The following VEPH1 variants were observed in gnomAD, a reference collection of about 807,000 sequenced individuals.
VEPH1 encodes the protein ventricular zone expressed PH domain containing 1.
Under a neutral mutation model 85.2 loss-of-function variants are expected in VEPH1, and 80 were observed. That is an observed-to-expected ratio of 0.94 (90% CI 0.78 to 1.13). The LOEUF is 1.13. Ranked by LOEUF, VEPH1 falls within the 50% of genes most tolerant of loss-of-function variation. The pLI, the probability that VEPH1 is intolerant of heterozygous loss-of-function variation, is 0.00. For synonymous variants in VEPH1, 297 were observed against 348.0 expected (o/e 0.85, Z 1.63); for missense variants, 955 against 980.5 (o/e 0.97, Z 0.35).
intron 7 of VEPH1, among the ~76,000 whole-genome samples, chr3:157,372,567 T>C (rs577839176): frequency 6.6e-6 from 1 of 152,362 alleles, no homozygotes; most frequent in Admixed American, 6.5e-5. Flanking sequence ...TCACCTTTCA[T>C]TTATTAAATC....
chr3:157,401,667 T>G (rs1172405745), intron 6 of VEPH1, among the ~76,000 whole-genome samples: 1 of 152,148 alleles, frequency 6.6e-6, no homozygotes, highest in African/African-American at 2.4e-5. Flanking sequence ...TAGTAATAAT[T>G]TCTCTGGTAC....
At chr3:157,471,280 A>C (rs964068394) in intron 2 of VEPH1, among the ~76,000 whole-genome samples, 4 of 152,202 alleles carry the variant, frequency 2.6e-5, no homozygotes, top group African/African-American at 9.6e-5. Context: ...GCACTACAGC[A>C]AACTCCAGCT....
At chr3:157,396,773 A>C (rs182219868) in intron 6 of VEPH1, among the ~76,000 whole-genome samples, 1 of 150,994 alleles carries the variant, frequency 6.6e-6, no homozygotes, top group Admixed American at 6.6e-5. Context: ...TTCTTTGTCC[A>C]CTTTTTAATT....
intron 4 of VEPH1, among the ~76,000 whole-genome samples, chr3:157,439,925 C>T (rs1236419618): frequency 6.6e-6 from 1 of 152,038 alleles, no homozygotes; most frequent in Non-Finnish European, 1.5e-5. Context: ...TAATTTTTTG[C>T]ATTTTTAGTA....
Position 157,314,330 on chromosome 3 carries a change from C to CAAAAA in VEPH1, c.1876-580_1876-576dup, listed in dbSNP as rs34703314. Among the ~76,000 whole-genome samples the CAAAAA allele has an allele frequency of 2.4e-3, 104 of 43,174 alleles. 6 individuals carry two copies. The highest frequency in any genetic ancestry group is 3.9e-3 in the East Asian group (6 of 1,558). 28.3% of individuals were successfully genotyped at this position (43,174 alleles called of 152,430 possible). A position where few individuals can be genotyped will look rare whatever the true frequency, so the allele number is the denominator to read the frequency against. On this transcript the variant is annotated intron_variant, in intron 10 of 13. Coordinates refer to ENST00000362010, the MANE Select transcript of VEPH1 (RefSeq NM_001167912.2). The stretch of plus-strand genomic sequence containing the variant: ...CCTGGGTGACAGAGGGAGGATCCGT[C>CAAAAA]AAAAAAAAAAAAAAAAAAAAAAAAA...
intron 7 of VEPH1, among the ~76,000 whole-genome samples, chr3:157,369,238 T>C (rs922757110): frequency 6.1e-5 from 8 of 131,436 alleles, no homozygotes; most frequent in Non-Finnish European, 9.3e-5. Flanking sequence ...CATGAGAGAC[T>C]GGCCACTTCT....
In VEPH1 at chr3:157,495,194, A is replaced by C; in HGVS notation, c.138+18T>G. 3 of 1,612,786 alleles carry C rather than the reference A, an allele frequency of 1.9e-6. No homozygotes were observed. Among genetic ancestry groups the C allele is most frequent in the Non-Finnish European group, 2.5e-6 (3 of 1,179,252 alleles). ...ACAGGCCATTTCAGAGATGTAGTCT[A>C]TAAACCAGTTTACTTACTGAAGATG... On this transcript the variant is annotated intron_variant, in intron 2 of 13. Coordinates refer to ENST00000362010, the MANE Select transcript of VEPH1 (RefSeq NM_001167912.2).
At chr3:157,290,408 C>T (rs1253516699) in intron 11 of VEPH1, among the ~76,000 whole-genome samples, 1 of 152,194 alleles carries the variant, frequency 6.6e-6, no homozygotes, top group African/African-American at 2.4e-5. Flanking sequence ...CACTCTGGTA[C>T]TGTGAGATAA....
chr3:157,364,491 A>G lies in VEPH1; in HGVS notation c.1149T>C (p.Ile383=). 6.2e-7 allele frequency: 1 copy of G among 1,613,814 alleles called. No individual in the cohort carries two copies. Among genetic ancestry groups the G allele is most frequent in the Non-Finnish European group, 8.5e-7 (1 of 1,179,904 alleles). The change falls in exon 8 of 14, where the codon ATT becomes ATC. Residue 383 remains isoleucine, a synonymous_variant. Coordinates refer to ENST00000362010, the MANE Select transcript of VEPH1 (RefSeq NM_001167912.2). ...TTTCTTCCAGTTTCTCAGGGAATTC[A>G]ATTTCAGTGCTGATTTTTCTCCTAA... ...GSGRRKISTE[I]EFPEKLEETK... is the part of the protein sequence containing the mutation.
chr3:157,442,486 T>C, intron 4 of VEPH1: 1 of 1,614,148 alleles, frequency 6.2e-7, no homozygotes. Context: ...GCCACAGATG[T>C]ATTAAACAAA....
intron 6 of VEPH1, among the ~76,000 whole-genome samples, chr3:157,404,251 G>C (rs901492633): frequency 3.3e-5 from 5 of 152,070 alleles, no homozygotes; most frequent in African/African-American, 1.2e-4. Context: ...GTTATGCCAG[G>C]GCCACGAGGA....
At chr3:157,492,990 A>G (rs1739352563) in intron 2 of VEPH1, among the ~76,000 whole-genome samples, 2 of 151,960 alleles carry the variant, frequency 1.3e-5, no homozygotes, top group Non-Finnish European at 2.9e-5. Flanking sequence ...CTTTCTTAAA[A>G]CTACTGGGGA....
intron 4 of VEPH1, chr3:157,443,158 T>A: frequency 1.4e-6 from 1 of 708,530 alleles, no homozygotes; most frequent in Non-Finnish European, 2.2e-6. Flanking sequence ...AGGAAAGACA[T>A]TGGAAAAAGC....
intron 6 of VEPH1, among the ~76,000 whole-genome samples, chr3:157,385,923 G>C (rs927336402): frequency 6.6e-6 from 1 of 152,082 alleles, no homozygotes; most frequent in Admixed American, 6.6e-5. Context: ...GGTTTACTGT[G>C]TTAGGCATAT....
At chr3:157,318,245 G>A (rs181378137) in intron 9 of VEPH1, among the ~76,000 whole-genome samples, 31 of 152,298 alleles carry the variant, frequency 2.0e-4, no homozygotes, top group Non-Finnish European at 3.8e-4. Context: ...AATCTGTAGA[G>A]TCATACTGAT....
At chr3:157,458,884 C>T (rs958722612) in intron 4 of VEPH1, among the ~76,000 whole-genome samples, 6 of 152,120 alleles carry the variant, frequency 3.9e-5, no homozygotes, top group South Asian at 2.1e-4. Context: ...GGAGTCCTTC[C>T]CCCACTGATT....
intron 4 of VEPH1, among the ~76,000 whole-genome samples, chr3:157,429,202 A>G: frequency 6.6e-6 from 1 of 152,222 alleles, no homozygotes; most frequent in East Asian, 1.9e-4. Context: ...ACTCTATGGT[A>G]TAGATTTTTT....
At chr3:157,464,520 T>G (rs930564005) in intron 3 of VEPH1, among the ~76,000 whole-genome samples, 1 of 152,184 alleles carries the variant, frequency 6.6e-6, no homozygotes, top group Non-Finnish European at 1.5e-5. Context: ...GAATATCATC[T>G]TACAGTTTGG....
intron 9 of VEPH1, among the ~76,000 whole-genome samples, chr3:157,339,736 G>A (rs536589627): frequency 8.5e-5 from 13 of 152,260 alleles, no homozygotes; most frequent in South Asian, 4.1e-4. Flanking sequence ...GTCGGGTGGC[G>A]AGGTTGTAGA....
Sources: allele counts gnomAD v4.1 joint callset (sites outside exome capture counted in the v4.1 genomes callset), GRCh38; gene constraint gnomAD v4.1.1; transcripts MANE v1.5; gene names NCBI Gene and HGNC (gene_info 2026-07-23, HGNC 2026-07-21).